HDAC9: variants seen among roughly 807,000 people sequenced by gnomAD.
HDAC9 encodes histone deacetylase 9.
A neutral mutation model predicts 139.4 loss-of-function variants in HDAC9; 41 were observed. The observed-to-expected ratio is 0.29, with a 90% CI of 0.23 to 0.38. HDAC9 has a LOEUF of 0.38. HDAC9 is among the 10% of genes least tolerant of loss of function. HDAC9 has a pLI of 1.00. For synonymous variants in HDAC9, 517 were observed against 476.2 expected (o/e 1.09, Z -1.12); for missense variants, 1,147 against 1,297.0 (o/e 0.88, Z 1.78).
intron 17 of HDAC9, among the ~76,000 whole-genome samples, chr7:18,814,196 A>G (rs1428834424): frequency 2.0e-5 from 3 of 152,228 alleles, no homozygotes; most frequent in African/African-American, 7.2e-5. Context: ...TGCACTTTTA[A>G]ACAAAGTCCT....
At chr7:18,975,097 TC>T (rs1784470975) in intron 24 of HDAC9, among the ~76,000 whole-genome samples, 1 of 152,344 alleles carries the variant, frequency 6.6e-6, no homozygotes, top group Admixed American at 6.5e-5. Flanking sequence ...CTATGCTCTT[TC>T]ATATTTATCC....
intron 2 of HDAC9, among the ~76,000 whole-genome samples, chr7:18,577,373 CTG>C (rs1250044070): frequency 1.3e-5 from 2 of 152,200 alleles, no homozygotes; most frequent in Non-Finnish European, 2.9e-5. Context: ...GTTCACGTCT[CTG>C]TGTTTTTGGT....
chr7:18,775,145 C>A (rs547290471), intron 16 of HDAC9, among the ~76,000 whole-genome samples: 1 of 151,964 alleles, frequency 6.6e-6, no homozygotes, highest in Admixed American at 6.6e-5. Context: ...TATATGGGCA[C>A]GATTCATGGT....
At chr7:18,623,689 A>G (rs1197443552) in intron 6 of HDAC9, among the ~76,000 whole-genome samples, 1 of 152,164 alleles carries the variant, frequency 6.6e-6, no homozygotes, top group Non-Finnish European at 1.5e-5. Flanking sequence ...CACGCTTGTA[A>G]TCCCAACACT....
chr7:18,673,551 T>C (rs1157823298), intron 12 of HDAC9, among the ~76,000 whole-genome samples: 1 of 152,108 alleles, frequency 6.6e-6, no homozygotes, highest in Non-Finnish European at 1.5e-5. Flanking sequence ...TATTAAGTCA[T>C]ATAACATCAT....
chr7:18,255,049 A>G (rs1020247653), intron 2 of HDAC9, among the ~76,000 whole-genome samples: 16 of 152,238 alleles, frequency 1.1e-4, no homozygotes, highest in Admixed American at 4.6e-4. Context: ...CAAACAAGCA[A>G]AGAACCCTTT....
chr7:18,885,601 C>T (rs1800084484), intron 22 of HDAC9, among the ~76,000 whole-genome samples: 1 of 152,108 alleles, frequency 6.6e-6, no homozygotes, highest in African/African-American at 2.4e-5. Flanking sequence ...AAACCACAAC[C>T]AGATCTCATG....
At chr7:18,885,810 T>C (rs1432313870) in intron 22 of HDAC9, among the ~76,000 whole-genome samples, 3 of 152,220 alleles carry the variant, frequency 2.0e-5, no homozygotes, top group Admixed American at 6.5e-5. Context: ...AGCTTTATAA[T>C]ATAATAGCAG....
chr7:18,541,669 A>G (rs550674708), intron 2 of HDAC9, among the ~76,000 whole-genome samples: 2 of 152,308 alleles, frequency 1.3e-5, no homozygotes, highest in African/African-American at 2.4e-5. Context: ...CAGGAATTCT[A>G]TATCTGTACA....
At chr7:18,197,749 T>C (rs1790827989) in intron 2 of HDAC9, among the ~76,000 whole-genome samples, 1 of 152,210 alleles carries the variant, frequency 6.6e-6, no homozygotes, top group Admixed American at 6.5e-5. Context: ...TACTCAGTCC[T>C]TTTTCCCTAG....
chr7:18,875,171 A>G (rs541249217), intron 22 of HDAC9, among the ~76,000 whole-genome samples: 1 of 152,232 alleles, frequency 6.6e-6, no homozygotes, highest in East Asian at 1.9e-4. Context: ...AATAAATTTT[A>G]TGTTACAGTG....
intron 2 of HDAC9, among the ~76,000 whole-genome samples, chr7:18,579,028 T>A (rs935585950): frequency 9.8e-5 from 15 of 152,318 alleles, no homozygotes; most frequent in African/African-American, 3.6e-4. Context: ...GCAGCACATA[T>A]CATAGAGGAG....
chr7:18,297,625 C>T (rs1034907502), intron 1 of HDAC9, among the ~76,000 whole-genome samples: 2 of 152,138 alleles, frequency 1.3e-5, no homozygotes, highest in East Asian at 1.9e-4. Context: ...ATTCTTGTGA[C>T]AGTAAATAGG....
At chr7:18,618,726 G>GTGTATATA (rs71553930) in intron 6 of HDAC9, among the ~76,000 whole-genome samples, 4 of 120,050 alleles carry the variant, frequency 3.3e-5, no homozygotes, top group East Asian at 2.2e-4. Flanking sequence ...ACAGAATTTT[G>GTGTATATA]TATATATATA....
rs191123741 is a variant in HDAC9 at position 18,461,428 on chromosome 7, A to G, written c.-41-34834A>G. Among the ~76,000 whole-genome samples, 4 of 152,322 alleles carry G rather than the reference A, an allele frequency of 2.6e-5. No individual in the cohort carries two copies. In the East Asian group the frequency reaches 7.7e-4, roughly 29 times the overall value. On this transcript the variant is annotated intron_variant, in intron 1 of 3. Transcript: ENST00000413509. ...AAATATTTTGCTTACAATTTTTTTA[A>G]AAGTCCAAAATGCTTAAAAAGTTTT...
chr7:18,628,684 C>T (rs1284303950), intron 6 of HDAC9, among the ~76,000 whole-genome samples: 1 of 152,052 alleles, frequency 6.6e-6, no homozygotes, highest in Non-Finnish European at 1.5e-5. Flanking sequence ...GAATATATAA[C>T]CTAACTCAGA....
intron 2 of HDAC9, among the ~76,000 whole-genome samples, chr7:18,506,516 A>C (rs1358481955): frequency 6.6e-6 from 1 of 152,034 alleles, no homozygotes; most frequent in African/African-American, 2.4e-5. Flanking sequence ...TTGAAAGTGT[A>C]TATATATCTG....
chr7:18,947,711 A>G (rs912072872), intron 23 of HDAC9, among the ~76,000 whole-genome samples: 1 of 152,134 alleles, frequency 6.6e-6, no homozygotes, highest in Non-Finnish European at 1.5e-5. Context: ...TTGTTTTAGA[A>G]TAAAGGAATG....
At chr7:18,856,092 A>G (rs1363672693) in intron 21 of HDAC9, among the ~76,000 whole-genome samples, 2 of 152,196 alleles carry the variant, frequency 1.3e-5, no homozygotes, top group East Asian at 3.9e-4. Context: ...TAGTCATGGG[A>G]GATGAATCCT....
Sources: allele counts gnomAD v4.1 joint callset (sites outside exome capture counted in the v4.1 genomes callset), GRCh38; gene constraint gnomAD v4.1.1; transcripts MANE v1.5; gene names NCBI Gene and HGNC (gene_info 2026-07-23, HGNC 2026-07-21).